The following CEMIP variants were observed in gnomAD, a reference collection of about 807,000 sequenced individuals.
The protein encoded by CEMIP is cell migration inducing hyaluronidase 1.
Under a neutral mutation model 156.9 loss-of-function variants are expected in CEMIP, and 105 were observed. That is an observed-to-expected ratio of 0.67 (90% CI 0.57 to 0.79). The LOEUF is 0.79. Among genes scored for constraint, CEMIP ranks in the 30% least tolerant of loss-of-function variants. The pLI, the probability that CEMIP is intolerant of heterozygous loss-of-function variation, is 0.00. For missense variants in CEMIP, 1,457 were observed against 1,769.4 expected (o/e 0.82, Z 3.17); for synonymous variants, 676 against 668.4 (o/e 1.01, Z -0.17).
At chr15:80,831,766 T>C (rs1897162695) in intron 1 of CEMIP, among the ~76,000 whole-genome samples, 1 of 152,188 alleles carries the variant, frequency 6.6e-6, no homozygotes, top group Non-Finnish European at 1.5e-5. Flanking sequence ...GTGGTGAAGG[T>C]CAGGTGTCCT....
intron 1 of CEMIP, among the ~76,000 whole-genome samples, chr15:80,854,958 A>G (rs1431919287): frequency 2.6e-5 from 4 of 152,174 alleles, no homozygotes; most frequent in African/African-American, 9.6e-5. Flanking sequence ...TGGGAGGCCG[A>G]GGCAGGAGGA....
At chr15:80,832,660 G>A (rs184667545) in intron 1 of CEMIP, among the ~76,000 whole-genome samples, 6 of 152,256 alleles carry the variant, frequency 3.9e-5, no homozygotes, top group Non-Finnish European at 7.4e-5. Context: ...GTCAGATGTG[G>A]CCTGCAGTTG....
intron 12 of CEMIP, among the ~76,000 whole-genome samples, chr15:80,898,710 G>T (rs1028921393): frequency 6.6e-6 from 1 of 152,128 alleles, no homozygotes; most frequent in Non-Finnish European, 1.5e-5. Context: ...ACCACACCCG[G>T]CTATCATCAT....
chr15:80,792,627 A>G (rs1896110027), intron 1 of CEMIP, among the ~76,000 whole-genome samples: 1 of 152,206 alleles, frequency 6.6e-6, no homozygotes, highest in Non-Finnish European at 1.5e-5. Context: ...CCAATTGTCA[A>G]TGTAGCTGAT....
chr15:80,943,511 C>T (rs546275821), intron 28 of CEMIP, among the ~76,000 whole-genome samples: 2 of 152,322 alleles, frequency 1.3e-5, no homozygotes, highest in East Asian at 3.9e-4. Context: ...GCCACCTGGA[C>T]ATCTTGTATG....
chr15:80,819,632 T>C (rs573076450), intron 1 of CEMIP, among the ~76,000 whole-genome samples: 1 of 152,244 alleles, frequency 6.6e-6, no homozygotes, highest in South Asian at 2.1e-4. Flanking sequence ...AAACAGAAAT[T>C]GGGGACTTTA....
chr15:80,905,542 A>G (rs577755873), intron 12 of CEMIP, among the ~76,000 whole-genome samples: 8 of 152,206 alleles, frequency 5.3e-5, no homozygotes, highest in Non-Finnish European at 1.2e-4. Flanking sequence ...TTGGCAAGAG[A>G]TTGAGTGGAG....
intron 1 of CEMIP, among the ~76,000 whole-genome samples, chr15:80,820,029 C>T (rs776489867): frequency 6.6e-6 from 1 of 152,224 alleles, no homozygotes; most frequent in African/African-American, 2.4e-5. Flanking sequence ...TGAAGCTCAA[C>T]CAGCCTTTCT....
intron 1 of CEMIP, among the ~76,000 whole-genome samples, chr15:80,817,933 AG>A (rs1300873914): frequency 6.6e-6 from 1 of 152,176 alleles, no homozygotes; most frequent in African/African-American, 2.4e-5. Flanking sequence ...TTAATGTAAA[AG>A]GTTTCAGTGT....
chr15:80,806,738 T>C (rs1896523219), intron 1 of CEMIP, among the ~76,000 whole-genome samples: 1 of 152,232 alleles, frequency 6.6e-6, no homozygotes, highest in African/African-American at 2.4e-5. Context: ...TTTGGAGTTA[T>C]GCCACACTTT....
chr15:80,833,950 G>A (rs1567062716), intron 1 of CEMIP, among the ~76,000 whole-genome samples: 1 of 152,156 alleles, frequency 6.6e-6, no homozygotes, highest in Non-Finnish European at 1.5e-5. Flanking sequence ...GATTACAGAC[G>A]TGAGTCACTG....
At chr15:80,807,028 G>A (rs1300868075) in intron 1 of CEMIP, among the ~76,000 whole-genome samples, 1 of 152,186 alleles carries the variant, frequency 6.6e-6, no homozygotes, top group African/African-American at 2.4e-5. Flanking sequence ...GAAGTCAATC[G>A]GTGATCAATG....
At chr15:80,912,576 A>C (rs905532605) in intron 14 of CEMIP, among the ~76,000 whole-genome samples, 1 of 152,172 alleles carries the variant, frequency 6.6e-6, no homozygotes, top group African/African-American at 2.4e-5. Context: ...CTGGCTTAGA[A>C]TCTAGATGAA....
chr15:80,935,157 C>A (rs184127578), intron 23 of CEMIP, among the ~76,000 whole-genome samples: 1 of 152,000 alleles, frequency 6.6e-6, no homozygotes, highest in Non-Finnish European at 1.5e-5. Flanking sequence ...AGAGGAAGGG[C>A]CAAGATGCTA....
chr15:80,864,018 C>T (rs983264009), intron 1 of CEMIP, among the ~76,000 whole-genome samples: 1 of 152,114 alleles, frequency 6.6e-6, no homozygotes, highest in African/African-American at 2.4e-5. Flanking sequence ...ATGTGAGAGG[C>T]AAGCAAAGCC....
intron 10 of CEMIP, among the ~76,000 whole-genome samples, chr15:80,890,698 A>T (rs551075226): frequency 7.2e-5 from 11 of 152,194 alleles, no homozygotes; most frequent in African/African-American, 2.6e-4. Flanking sequence ...TTTTTCCTAG[A>T]ATATCAAAGC....
intron 7 of CEMIP, among the ~76,000 whole-genome samples, chr15:80,885,403 A>C (rs1044394062): frequency 2.0e-5 from 3 of 152,232 alleles, no homozygotes; most frequent in Admixed American, 6.5e-5. Context: ...AAACTCAAGC[A>C]GGAAACTTAA....
At position 80,880,962 on chromosome 15, in the gene CEMIP, G is replaced by T; in HGVS notation, c.443G>T (p.Gly148Val). The T allele has an allele frequency of 6.2e-7, 1 of 1,614,234 alleles. No individual in the cohort carries two copies. Among genetic ancestry groups the T allele is most frequent in the Non-Finnish European group, 8.5e-7 (1 of 1,180,040 alleles). Residue 148 changes from glycine to valine, a missense_variant, in exon 6 of 30, where the codon GGA (glycine) becomes GTA (valine). By Grantham distance (109) the Gly-to-Val change is moderately radical. This residue lies in a region of CEMIP where 309 missense variants were observed against 340.8 expected (regional missense o/e 0.91). Coordinates refer to ENST00000394685, the MANE Select transcript of CEMIP (RefSeq NM_001293298.2). ...CTGAAGTACATTGGGGTTGGTAAAG[G>T]AGGCGCTCTTGAGTTGCATGGACAG... is the stretch of plus-strand genomic sequence containing the variant. The part of the protein sequence containing the change: ...YGLKYIGVGK[G>V]GALELHGQKK...
chr15:80,802,451 A>T (rs565206637), intron 1 of CEMIP, among the ~76,000 whole-genome samples: 1 of 152,298 alleles, frequency 6.6e-6, no homozygotes, highest in East Asian at 1.9e-4. Context: ...CCACAGTGTC[A>T]GCAATGCAGC....
Sources: gnomAD v4.1 joint callset for allele counts (sites outside exome capture counted in the v4.1 genomes callset) on GRCh38, gnomAD v4.1.1 for gene constraint, gnomAD v4.1.1 regional missense constraint, MANE v1.5 for transcripts, NCBI Gene and HGNC (gene_info 2026-07-23, HGNC 2026-07-21) for gene names.